CLIC5: variants seen among roughly 807,000 people sequenced by gnomAD.
CLIC5 encodes the protein chloride intracellular channel protein 5.
CLIC5 carries 20 observed loss-of-function variants against 24.7 expected under a neutral mutation model. That is an observed-to-expected ratio of 0.81 (90% CI 0.57 to 1.18). The LOEUF (loss-of-function observed/expected upper bound fraction) is 1.18, where lower values mean the gene tolerates loss of function less well. Among genes scored for constraint, CLIC5 ranks in the 50% most tolerant of loss-of-function variants. The pLI is 0.00. For synonymous variants in CLIC5, 159 were observed against 135.6 expected, an observed-to-expected ratio of 1.17 and a Z score of -1.20; for missense variants, 341 against 326.1, an observed-to-expected ratio of 1.05 and a Z score of -0.35.
intron 1 of CLIC5, among the ~76,000 whole-genome samples, chr6:46,074,723 T>TTTCTA (rs1488005056): frequency 6.6e-6 from 1 of 152,156 alleles, no homozygotes; most frequent in Non-Finnish European, 1.5e-5. Context: ...GAAACCATAG[T>TTTCTA]CAGTGTTGAG....
intron 1 of CLIC5, among the ~76,000 whole-genome samples, chr6:46,012,528 A>G (rs143894417): frequency 1.3e-5 from 2 of 152,358 alleles, no homozygotes; most frequent in African/African-American, 4.8e-5. Flanking sequence ...CTATGAACAC[A>G]TTAGAATGGA....
At chr6:45,924,609 G>A (rs918393931) in intron 4 of CLIC5, among the ~76,000 whole-genome samples, 3 of 152,106 alleles carry the variant, frequency 2.0e-5, no homozygotes, top group African/African-American at 7.2e-5. Context: ...CACCAAAGGA[G>A]AATTTAAAAT....
chr6:45,907,596 T>C (rs558077942), intron 5 of CLIC5, among the ~76,000 whole-genome samples: 6 of 152,188 alleles, frequency 3.9e-5, no homozygotes, highest in Non-Finnish European at 5.9e-5. Context: ...TAAGTACGAT[T>C]GGTACTGGTT....
At chr6:45,886,832 A>G (rs1365822375) in intron 6 of CLIC5, among the ~76,000 whole-genome samples, 1 of 152,218 alleles carries the variant, frequency 6.6e-6, no homozygotes, top group Non-Finnish European at 1.5e-5. Context: ...AGGGCAACAC[A>G]GGATTGGGAA....
At chr6:46,073,596 A>G (rs954752326) in intron 1 of CLIC5, among the ~76,000 whole-genome samples, 1 of 152,196 alleles carries the variant, frequency 6.6e-6, no homozygotes, top group African/African-American at 2.4e-5. Flanking sequence ...GCTGTCCTAA[A>G]CATTGTTTTG....
intron 1 of CLIC5, among the ~76,000 whole-genome samples, chr6:46,074,259 G>A (rs983231360): frequency 6.6e-6 from 1 of 152,048 alleles, no homozygotes; most frequent in Non-Finnish European, 1.5e-5. Context: ...CAATAGAAAT[G>A]TTGCTTATTA....
At chr6:45,956,603 A>T (rs1472559555) in intron 1 of CLIC5, among the ~76,000 whole-genome samples, 1 of 151,768 alleles carries the variant, frequency 6.6e-6, no homozygotes, top group Non-Finnish European at 1.5e-5. Flanking sequence ...TCTTTCATAC[A>T]TTAGAACCTC....
intron 6 of CLIC5, among the ~76,000 whole-genome samples, chr6:45,886,068 A>G (rs564679099): frequency 6.6e-6 from 1 of 152,344 alleles, no homozygotes; most frequent in East Asian, 1.9e-4. Context: ...AAATGAGCTC[A>G]ACCTTTCCTC....
chr6:45,977,891 G>A (rs1222879125), intron 1 of CLIC5, among the ~76,000 whole-genome samples: 2 of 152,232 alleles, frequency 1.3e-5, no homozygotes, highest in Non-Finnish European at 2.9e-5. Flanking sequence ...GTGGGGTGCT[G>A]TTCTAGGTGC....
At chr6:45,896,594 T>C (rs1302670969), downstream of CLIC5, among the ~76,000 whole-genome samples, 1 of 152,096 alleles carries the variant, frequency 6.6e-6, no homozygotes, top group Non-Finnish European at 1.5e-5. Flanking sequence ...CTACTAGACA[T>C]AAAAACAAAA....
At chr6:45,916,966 A>T (rs4714887) in intron 4 of CLIC5, among the ~76,000 whole-genome samples, 2 of 152,034 alleles carry the variant, frequency 1.3e-5, no homozygotes, top group African/African-American at 4.8e-5. Context: ...AAGGACTGCA[A>T]GGCCTGGGAC....
chr6:46,029,030 G>A (rs1172778690), intron 1 of CLIC5, among the ~76,000 whole-genome samples: 13 of 151,702 alleles, frequency 8.6e-5, no homozygotes, highest in Admixed American at 8.5e-4. Context: ...CCATAGTTTC[G>A]CTTTCCCAGA....
rs114039626 is a variant in CLIC5, at chr6:45,910,882, C to T, written c.588+3346G>A. ...GGAGAAGCCCATGCTTTTCAGCTTCCTCTTTCTGTCAGAGTCTCCATTTAT... is the reference window on the plus strand; with the variant it reads ...GGAGAAGCCCATGCTTTTCAGCTTCTTCTTTCTGTCAGAGTCTCCATTTAT... On this transcript the variant is annotated intron_variant, in intron 5 of 5. Transcript: ENST00000339561. Among the ~76,000 whole-genome samples the T allele has an allele frequency of 2.8e-3, 430 of 152,336 alleles. 2 individuals are homozygous for T. The highest frequency in any genetic ancestry group is 9.9e-3 in the African/African-American group (411 of 41,570).
chr6:46,114,204 C>A, the CLIC5 span, among the ~76,000 whole-genome samples: 1 of 152,106 alleles, frequency 6.6e-6, no homozygotes, highest in East Asian at 1.9e-4. Flanking sequence ...TGCTTTAAGT[C>A]TCTACCTTTT....
intron 1 of CLIC5, among the ~76,000 whole-genome samples, chr6:46,041,866 T>A (rs544441897): frequency 6.0e-4 from 91 of 152,320 alleles, no homozygotes; most frequent in African/African-American, 2.1e-3. Flanking sequence ...AGAGTTAATG[T>A]TTATTATTAT....
the CLIC5 span, among the ~76,000 whole-genome samples, chr6:46,108,437 C>A: frequency 4.2e-4 from 63 of 150,346 alleles, no homozygotes; most frequent in African/African-American, 1.5e-3. Context: ...ATTCTTGTTG[C>A]CCAGGCTGGA....
chr6:45,958,369 T>A (rs1417152094), intron 1 of CLIC5, among the ~76,000 whole-genome samples: 2 of 146,896 alleles, frequency 1.4e-5, no homozygotes, highest in Non-Finnish European at 3.0e-5. Context: ...AGCTATACTA[T>A]GTATAGCAAT....
the CLIC5 span, among the ~76,000 whole-genome samples, chr6:46,099,967 C>G: frequency 6.6e-6 from 1 of 150,570 alleles, no homozygotes; most frequent in Non-Finnish European, 1.5e-5. Flanking sequence ...CCTGAGGTTA[C>G]TTAAAATTCA....
At chr6:46,042,372 T>A (rs1767831210) in intron 1 of CLIC5, among the ~76,000 whole-genome samples, 1 of 152,298 alleles carries the variant, frequency 6.6e-6, no homozygotes, top group South Asian at 2.1e-4. Flanking sequence ...TGTAGGTTTT[T>A]TTTGTTTTTG....
Sources: allele counts gnomAD v4.1 joint callset (sites outside exome capture counted in the v4.1 genomes callset), GRCh38; gene constraint gnomAD v4.1.1; transcripts MANE v1.5; gene names NCBI Gene and HGNC (gene_info 2026-07-23, HGNC 2026-07-21).